The following TRAPPC8 variants were observed in gnomAD, a reference collection of about 807,000 sequenced individuals.
TRAPPC8 encodes general sporulation gene 1 homolog.
In TRAPPC8, 54 loss-of-function variants were observed where a neutral mutation model predicts 174.3. That is an observed-to-expected ratio of 0.31 (90% CI 0.25 to 0.39). The LOEUF (loss-of-function observed/expected upper bound fraction) is 0.39, where lower values mean the gene tolerates loss of function less well. TRAPPC8 is among the 10% of genes least tolerant of loss of function. TRAPPC8 has a pLI of 1.00. For missense variants in TRAPPC8, 1,531 were observed against 1,699.1 expected (o/e 0.90, Z 1.74); for synonymous variants, 630 against 579.9 (o/e 1.09, Z -1.24).
At chr18:31,844,186 A>C (rs1951481000) in intron 26 of TRAPPC8, among the ~76,000 whole-genome samples, 1 of 152,210 alleles carries the variant, frequency 6.6e-6, no homozygotes, top group South Asian at 2.1e-4. Context: ...AAATAAAAAA[A>C]CTACAAGTAT....
Position 31,916,255 on chromosome 18 carries a change from C to A in TRAPPC8, c.617+17G>T. ...TCATTTAACTGGAAAAAATTTAAAA[C>A]TAAAATAAAAACTTACCTCTGTTCA... is the stretch of plus-strand genomic sequence containing the variant. On this transcript the variant is annotated intron_variant, in intron 4 of 28. Coordinates refer to ENST00000283351, the MANE Select transcript of TRAPPC8 (RefSeq NM_014939.5). The A allele has an allele frequency of 6.9e-7, 1 of 1,439,214 alleles. No homozygotes were observed. Among genetic ancestry groups the A allele is most frequent in the Non-Finnish European group, 9.2e-7 (1 of 1,091,786 alleles). 89.2% of individuals were successfully genotyped at this position (1,439,214 alleles called of 1,614,324 possible). A position where few individuals can be genotyped will look rare whatever the true frequency, so the allele number is the denominator to read the frequency against.
intron 26 of TRAPPC8, chr18:31,844,920 A>G (rs1179459814): frequency 6.6e-6 from 1 of 152,040 alleles, no homozygotes; most frequent in East Asian, 1.9e-4. Flanking sequence ...ACTTAGTATA[A>G]ACTTAATCTA....
chr18:31,936,037 C>A (rs939417410), intron 1 of TRAPPC8, among the ~76,000 whole-genome samples: 1 of 151,866 alleles, frequency 6.6e-6, no homozygotes, highest in African/African-American at 2.4e-5. Context: ...ACACCTGGCA[C>A]AAGACCCCAT....
At chr18:31,880,906 C>CCA (rs894376681) in intron 12 of TRAPPC8, among the ~76,000 whole-genome samples, 19 of 151,786 alleles carry the variant, frequency 1.3e-4, no homozygotes, top group African/African-American at 4.6e-4. Context: ...TTTACAACTG[C>CCA]CACACACACA....
At chr18:31,919,743 C>A (rs1405181062) in intron 2 of TRAPPC8, among the ~76,000 whole-genome samples, 1 of 151,620 alleles carries the variant, frequency 6.6e-6, no homozygotes, top group Non-Finnish European at 1.5e-5. Context: ...TGCCTGTAGT[C>A]CCAGCTACTC....
At chr18:31,880,214 G>A (rs2035380883) in intron 12 of TRAPPC8, among the ~76,000 whole-genome samples, 1 of 144,096 alleles carries the variant, frequency 6.9e-6, no homozygotes, top group Non-Finnish European at 1.5e-5. Flanking sequence ...AAGAAAACAA[G>A]TCAATACCCA....
At position 31,866,926 on chromosome 18, in the gene TRAPPC8, C is replaced by T; in HGVS notation, c.2513G>A (p.Gly838Glu). Reference protein sequence around the residue: ...PHHIGELHILGVVYNLGTIQG... With the variant: ...PHHIGELHILEVVYNLGTIQG... ...AATAGTGCCAAGATTATAAACAACT[C>T]CCAGAATATGCAGCTCCCCTATGTG... The change falls in exon 18 of 29, where the codon GGA becomes GAA. Residue 838 changes from glycine to glutamate, a missense_variant. Transcript: ENST00000283351. 1.2e-6 allele frequency: 2 copies of T among 1,613,664 alleles called. No individual in the cohort carries two copies. Among genetic ancestry groups the T allele is most frequent in the Non-Finnish European group, 1.7e-6 (2 of 1,179,774 alleles).
At chr18:31,865,764 C>T (rs547497949) in intron 18 of TRAPPC8, among the ~76,000 whole-genome samples, 1 of 151,466 alleles carries the variant, frequency 6.6e-6, no homozygotes, top group Admixed American at 6.6e-5. Context: ...ATCCAGTTAT[C>T]TTGCTTTAAA....
intron 5 of TRAPPC8, among the ~76,000 whole-genome samples, chr18:31,910,040 A>G (rs1368912536): frequency 6.6e-6 from 1 of 152,110 alleles, no homozygotes; most frequent in Non-Finnish European, 1.5e-5. Context: ...CTTATATATG[A>G]TATGTATATA....
rs749939945 is a variant in TRAPPC8, at chr18:31,857,925, C to T, written c.2803G>A (p.Val935Ile). 3 of 1,614,060 alleles carry T rather than the reference C, an allele frequency of 1.9e-6. No homozygotes were observed. The highest frequency in any genetic ancestry group is 2.5e-6 in the Non-Finnish European group (3 of 1,179,962). Residue 935 changes from valine (V) to isoleucine (I), a missense_variant, in exon 20 of 29, where the codon GTA becomes ATA. Transcript: ENST00000283351. Reference sequence around the variant, plus strand: ...CATTTGCTGACATTGACAAATTCTACATATGCTTTTCGGATTTCTCCACAG... The same window carrying T: ...CATTTGCTGACATTGACAAATTCTATATATGCTTTTCGGATTTCTCCACAG... ...LLCGEIRKAYVEFVNVSKCPL... is the reference protein window; with the variant it reads ...LLCGEIRKAYIEFVNVSKCPL...
intron 11 of TRAPPC8, chr18:31,891,344 A>C (rs1378242715): frequency 6.6e-6 from 1 of 152,166 alleles, no homozygotes; most frequent in Non-Finnish European, 1.5e-5. Flanking sequence ...TTCTCTGTAA[A>C]ATTTTACTGC....
At chr18:31,940,420 G>A (rs1168195649) in intron 1 of TRAPPC8, among the ~76,000 whole-genome samples, 3 of 152,056 alleles carry the variant, frequency 2.0e-5, no homozygotes, top group African/African-American at 4.8e-5. Context: ...AGCCAAGATC[G>A]CGCCACTGCA....
Position 31,858,057 on chromosome 18 carries a change from A to AC in TRAPPC8, c.2746-76dup, listed in dbSNP as rs1359888096. On this transcript the variant is annotated intron_variant, in intron 19 of 28. Coordinates refer to ENST00000283351, the MANE Select transcript of TRAPPC8 (RefSeq NM_014939.5). ...CCTCTAATGAATAACACTTTAAGAC[A>AC]CTTTTTTTTTTTTTTACCAAAGGTT... The AC allele has an allele frequency of 1.3e-3, 1,542 of 1,187,182 alleles. 2 individuals carry two copies. The highest frequency in any genetic ancestry group is 1.5e-3 in the Non-Finnish European group (1,287 of 875,996). 73.5% of individuals were successfully genotyped at this position (1,187,182 alleles called of 1,614,324 possible).
At chr18:31,923,026 CA>C (rs1271922066) in intron 2 of TRAPPC8, among the ~76,000 whole-genome samples, 3 of 152,032 alleles carry the variant, frequency 2.0e-5, no homozygotes, top group Non-Finnish European at 4.4e-5. Flanking sequence ...CAAAACAAAA[CA>C]AAACAAAAAC....
intron 1 of TRAPPC8, among the ~76,000 whole-genome samples, chr18:31,932,123 A>G (rs1208886008): frequency 6.6e-6 from 1 of 152,142 alleles, no homozygotes; most frequent in African/African-American, 2.4e-5. Flanking sequence ...TCTTAAAAAT[A>G]GAGTCTACTT....
At chr18:31,861,652 A>C (rs1368016615) in intron 19 of TRAPPC8, among the ~76,000 whole-genome samples, 1 of 152,168 alleles carries the variant, frequency 6.6e-6, no homozygotes, top group Non-Finnish European at 1.5e-5. Flanking sequence ...TGAAAATCAT[A>C]GGTGCTGGGC....
chr18:31,912,273 C>T (rs2036945130), intron 5 of TRAPPC8, among the ~76,000 whole-genome samples: 1 of 152,120 alleles, frequency 6.6e-6, no homozygotes, highest in Non-Finnish European at 1.5e-5. Context: ...GACAGATCAC[C>T]TGAGGTCAAG....
intron 1 of TRAPPC8, among the ~76,000 whole-genome samples, chr18:31,936,351 C>A (rs2038097422): frequency 6.6e-6 from 1 of 151,934 alleles, no homozygotes; most frequent in African/African-American, 2.4e-5. Context: ...GTAATCCCAG[C>A]TACCCAGGAG....
rs2038361606 is a variant in TRAPPC8, at chr18:31,941,910, CA to C, written c.157+697del. On this transcript the variant is annotated intron_variant, in intron 1 of 28. Transcript: ENST00000283351. The stretch of plus-strand genomic sequence containing the variant: ...ACGGGTAGCTTCTTAACAAGACATT[CA>C]TTAACAAGAGAAGACATTTCCATCC... Among the ~76,000 whole-genome samples the C allele has an allele frequency of 3.9e-5, 6 of 152,298 alleles. No individual in the cohort carries two copies. In the East Asian group the frequency reaches 1.2e-3, roughly 29 times the overall value.
Sources: gnomAD v4.1 joint callset for allele counts (sites outside exome capture counted in the v4.1 genomes callset) on GRCh38, gnomAD v4.1.1 for gene constraint, MANE v1.5 for transcripts, NCBI Gene and HGNC (gene_info 2026-07-23, HGNC 2026-07-21) for gene names.